WDSUB1: variants seen among roughly 807,000 people sequenced by gnomAD.
WDSUB1 encodes the protein WD repeat, sterile alpha motif and U-box domain containing 1.
A neutral mutation model predicts 53.9 loss-of-function variants in WDSUB1; 49 were observed. The observed-to-expected ratio is 0.91, with a 90% CI of 0.72 to 1.15. The LOEUF (loss-of-function observed/expected upper bound fraction) is 1.15, where lower values mean the gene tolerates loss of function less well. Ranked by LOEUF, WDSUB1 falls within the 50% of genes most tolerant of loss-of-function variation. The pLI is 0.00. For missense variants in WDSUB1, 514 were observed against 562.0 expected, an observed-to-expected ratio of 0.91 and a Z score of 0.86; for synonymous variants, 194 against 200.6, an observed-to-expected ratio of 0.97 and a Z score of 0.28.
Position 159,256,218 on chromosome 2 carries a change from A to C in WDSUB1, c.1110T>G (p.Ser370Arg). The C allele has an allele frequency of 1.2e-6, 2 of 1,600,612 alleles. No individual in the cohort carries two copies. The highest frequency in any genetic ancestry group is 1.7e-6 in the Non-Finnish European group (2 of 1,175,712). ...TACCAATTTTCAAATCATCAGCCAGACTTTCTTTTGTAAGATTCAACAGTT... is the reference window on the plus strand; with the variant it reads ...TACCAATTTTCAAATCATCAGCCAGCCTTTCTTTTGTAAGATTCAACAGTT... ...GKELLNLTKE[S>R]LADDLKIESL... Residue 370 changes from serine to arginine, a missense_variant, in exon 9 of 11, where the codon AGT (serine) becomes AGG (arginine). Physicochemically the swap from Ser to Arg is moderately radical, Grantham distance 110 (BLOSUM62 -1). Transcript: ENST00000359774.
chr2:159,269,165 A>ATT (rs11324784), intron 5 of WDSUB1, among the ~76,000 whole-genome samples: 183 of 108,288 alleles, frequency 1.7e-3, no homozygotes, highest in Non-Finnish European at 2.2e-3. Context: ...CTTTCCACAG[A>ATT]TTTTTTTTTT....
chr2:159,258,835 C>T (rs934761396), intron 6 of WDSUB1, among the ~76,000 whole-genome samples: 2 of 152,098 alleles, frequency 1.3e-5, no homozygotes, highest in African/African-American at 4.8e-5. Flanking sequence ...ATTTACCTCA[C>T]CTAGCTTGAG....
rs1222981113 is a variant in WDSUB1, at chr2:159,236,206, C to T, written c.1274-16G>A. On this transcript the variant is annotated splice_polypyrimidine_tract_variant and intron_variant, in intron 10 of 10. Coordinates refer to ENST00000359774, the MANE Select transcript of WDSUB1 (RefSeq NM_001128212.3). ...GAATAGCCATCTAAAAAAAAAAAAT[C>T]ACACAAATTACATGATGTAGGAAAG... is the stretch of plus-strand genomic sequence containing the variant. 12 of 1,564,680 alleles carry T rather than the reference C, an allele frequency of 7.7e-6. 1 individual carries two copies. In the South Asian group the frequency reaches 1.3e-4, roughly 17 times the overall value.
chr2:159,278,022 C>T (rs927619538), intron 3 of WDSUB1, among the ~76,000 whole-genome samples: 1 of 151,804 alleles, frequency 6.6e-6, no homozygotes, highest in Non-Finnish European at 1.5e-5. Flanking sequence ...AAATGCAGGA[C>T]AAAAAAGCCC....
chr2:159,249,804 G>T (rs1238618391), intron 9 of WDSUB1, among the ~76,000 whole-genome samples: 1 of 151,750 alleles, frequency 6.6e-6, no homozygotes, highest in Non-Finnish European at 1.5e-5. Context: ...AGTGGCTCAT[G>T]CCTGTAACCC....
At chr2:159,260,304 C>CA (rs112078724) in intron 5 of WDSUB1, among the ~76,000 whole-genome samples, 7,724 of 149,926 alleles carry the variant, frequency 0.052, 366 homozygotes, top group African/African-American at 0.11. Context: ...GACTCTATCT[C>CA]AAAAAAAACA....
intron 10 of WDSUB1, among the ~76,000 whole-genome samples, chr2:159,243,203 G>A (rs80123781): frequency 0.035 from 5,167 of 147,572 alleles, 612 homozygotes; most frequent in African/African-American, 0.073. Flanking sequence ...CAGGGATTAC[G>A]CTAAGAAAAA....
Position 159,282,939 on chromosome 2 carries a change from TCAGTA to T in WDSUB1, c.126_130del (p.Phe42LeufsTer41). On this transcript the variant is annotated frameshift_variant, in exon 2 of 11. Coordinates refer to ENST00000359774, the MANE Select transcript of WDSUB1 (RefSeq NM_001128212.3). LOFTEE classifies it high-confidence loss of function. The stretch of plus-strand genomic sequence containing the variant: ...AAACTTCAATGGAGAATGTGGCAGT[TCAGTA>T]AAGTCACGTAACGAGTACAGGCGAA... 2 of 1,614,158 alleles carry T rather than the reference TCAGTA, an allele frequency of 1.2e-6. No homozygotes were observed. The highest frequency in any genetic ancestry group is 1.7e-6 in the Non-Finnish European group (2 of 1,180,042).
At chr2:159,245,506 G>A (rs141706559) in intron 10 of WDSUB1, among the ~76,000 whole-genome samples, 17,057 of 149,832 alleles carry the variant, frequency 0.11, 1,066 homozygotes, top group African/African-American at 0.16. Context: ...GCACTCCAGC[G>A]TGGGCAACAG....
At chr2:159,237,445 C>A (rs553327855) in intron 10 of WDSUB1, among the ~76,000 whole-genome samples, 1 of 151,804 alleles carries the variant, frequency 6.6e-6, no homozygotes, top group Non-Finnish European at 1.5e-5. Context: ...CACTTGAGCC[C>A]GCGAGACAGA....
intron 10 of WDSUB1, among the ~76,000 whole-genome samples, chr2:159,246,060 A>G (rs2060788062): frequency 6.6e-6 from 1 of 152,338 alleles, no homozygotes; most frequent in Middle Eastern, 3.4e-3. Context: ...TATAAATTAC[A>G]GAAATGATAT....
intron 10 of WDSUB1, among the ~76,000 whole-genome samples, chr2:159,247,928 A>ATATATAAATATAT (rs2060851089): frequency 3.0e-5 from 2 of 67,694 alleles, no homozygotes; most frequent in East Asian, 8.9e-4. Flanking sequence ...TATATATATA[A>ATATATAAATATAT]ATATATATAT....
intron 1 of WDSUB1, among the ~76,000 whole-genome samples, chr2:159,283,477 C>A (rs912451902): frequency 6.6e-6 from 1 of 152,096 alleles, no homozygotes; most frequent in South Asian, 2.1e-4. Context: ...GAGGCTGAGG[C>A]AGAAGAATCC....
At chr2:159,243,411 C>A (rs1478030371) in intron 10 of WDSUB1, among the ~76,000 whole-genome samples, 1 of 147,474 alleles carries the variant, frequency 6.8e-6, no homozygotes, top group African/African-American at 2.6e-5. Flanking sequence ...CTGTGTAGAG[C>A]TTCACACACA....
chr2:159,250,899 A>T (rs1402269240), intron 9 of WDSUB1, among the ~76,000 whole-genome samples: 1 of 152,156 alleles, frequency 6.6e-6, no homozygotes, highest in Non-Finnish European at 1.5e-5. Context: ...AAAAACTGTC[A>T]TAAATGTTTC....
At chr2:159,267,897 A>G (rs1201392163) in intron 5 of WDSUB1, among the ~76,000 whole-genome samples, 4 of 152,218 alleles carry the variant, frequency 2.6e-5, no homozygotes, top group Admixed American at 6.5e-5. Context: ...ATTTGCCTGT[A>G]TATTTGTCCA....
At chr2:159,250,132 C>G (rs963328631) in intron 9 of WDSUB1, among the ~76,000 whole-genome samples, 2 of 132,374 alleles carry the variant, frequency 1.5e-5, no homozygotes, top group African/African-American at 2.6e-5. Flanking sequence ...ACAATCAGAA[C>G]CTGAAGTGCA....
At chr2:159,245,226 T>C (rs1278903604) in intron 10 of WDSUB1, among the ~76,000 whole-genome samples, 4 of 152,088 alleles carry the variant, frequency 2.6e-5, no homozygotes, top group African/African-American at 9.7e-5. Context: ...CTATCTGACT[T>C]CAAGACTTAC....
At chr2:159,268,077 T>A (rs904650347) in intron 5 of WDSUB1, among the ~76,000 whole-genome samples, 6 of 152,348 alleles carry the variant, frequency 3.9e-5, no homozygotes, top group Middle Eastern at 3.4e-3. Context: ...TGGCAAAGAA[T>A]TATACCGCTA....
Sources: allele counts gnomAD v4.1 joint callset (sites outside exome capture counted in the v4.1 genomes callset), GRCh38; gene constraint gnomAD v4.1.1; transcripts MANE v1.5; gene names NCBI Gene and HGNC (gene_info 2026-07-23, HGNC 2026-07-21).